MCM8: variants seen among roughly 807,000 people sequenced by gnomAD.
The protein encoded by MCM8 is minichromosome maintenance 8 homologous recombination repair factor, also known as DNA helicase MCM8.
MCM8 carries 85 observed loss-of-function variants against 98.9 expected under a neutral mutation model. The ratio of observed to expected loss-of-function variants is 0.86; its 90% CI spans 0.72 to 1.03. The LOEUF (loss-of-function observed/expected upper bound fraction) is 1.03, where lower values mean the gene tolerates loss of function less well. MCM8 is among the 50% of genes least tolerant of loss of function. MCM8 has a pLI of 0.00. For missense variants in MCM8, 951 were observed against 997.8 expected, an observed-to-expected ratio of 0.95 and a Z score of 0.63; for synonymous variants, 352 against 338.6, an observed-to-expected ratio of 1.04 and a Z score of -0.44.
At chr20:5,951,881 C>A in intron 1 of MCM8, 130 bp from the exon 2 acceptor site, 1 of 1,036,618 alleles carries the variant, frequency 9.6e-7, no homozygotes, top group Non-Finnish European at 1.4e-6. Context: ...CATAGCTGTA[C>A]AACTTTGCAA....
rs1568602982 is a variant in MCM8 at position 5,993,523 on chromosome 20, C to T, written c.2258C>T (p.Ser753Phe). Residue 753 changes from serine (S) to phenylalanine (F), a missense_variant, in exon 18 of 19, where the codon TCT (serine) becomes TTT (phenylalanine). Transcript: ENST00000610722. The part of the protein sequence containing the change: ...IMKYSMLGTY[S>F]DEFGNLDFER... ...TTTTTAAGCATGCTAGGAACTTACT[C>T]TGATGAATTTGGGAACCTAGATTTT... 1 of 1,574,360 alleles carries T rather than the reference C, an allele frequency of 6.4e-7. No homozygotes were observed. Among genetic ancestry groups the T allele is most frequent in the Admixed American group, 1.7e-5 (1 of 57,688 alleles).
chr20:5,967,853 T>C lies in MCM8; in HGVS notation c.1051T>C (p.Cys351Arg). 1 of 1,610,642 alleles carries C rather than the reference T, an allele frequency of 6.2e-7. No homozygotes were observed. Among genetic ancestry groups the C allele is most frequent in the South Asian group, 1.1e-5 (1 of 90,344 alleles). ...EEGSRNKNDK[C>R]MFLLYIEANS... ...AGGTTCTCGAAATAAGAATGACAAG[T>C]GTATGTTCCTTTTGTATATTGAAGC... The change falls in exon 10 of 19, where the codon TGT (cysteine) becomes CGT (arginine). Residue 351 changes from cysteine (C) to arginine (R), a missense_variant. Coordinates refer to ENST00000610722, the MANE Select transcript of MCM8 (RefSeq NM_032485.6).
At chr20:5,960,923 G>T (rs933757769) in intron 7 of MCM8, among the ~76,000 whole-genome samples, 3 of 152,136 alleles carry the variant, frequency 2.0e-5, no homozygotes, top group Non-Finnish European at 4.4e-5. Flanking sequence ...CAGTAAGAGC[G>T]AAACTCCGCC....
At chr20:5,963,223 G>A in intron 7 of MCM8, 51 bp from the exon 8 acceptor site, 1 of 1,360,682 alleles carries the variant, frequency 7.3e-7, no homozygotes, top group Non-Finnish European at 1.1e-6. Context: ...TTCCTGAGGT[G>A]TGATTATAGT....
chr20:5,976,604 T>G (rs1212661502), intron 12 of MCM8, among the ~76,000 whole-genome samples: 2 of 152,210 alleles, frequency 1.3e-5, no homozygotes, highest in African/African-American at 4.8e-5. Context: ...GGGCTTAAAC[T>G]ATCACAAAGA....
rs11472210 is a variant in MCM8 at position 5,994,478 on chromosome 20, GACAC to G, written c.*129_*132del. The G allele has an allele frequency of 0.064, 24,180 of 380,402 alleles. 177 individuals are homozygous for G. Among genetic ancestry groups the G allele is most frequent in the Admixed American group, 0.074 (1,719 of 23,260 alleles). 23.6% of individuals were successfully genotyped at this position (380,402 alleles called of 1,614,324 possible). ...ATATGCGTGCACGCACAGACAGACAGACACACACACACACACACACACACACACA... is the reference window on the plus strand; with the variant it reads ...ATATGCGTGCACGCACAGACAGACAGACACACACACACACACACACACACA... On this transcript the variant is annotated 3_prime_UTR_variant, in exon 19 of 19. Transcript: ENST00000610722.
intron 10 of MCM8, among the ~76,000 whole-genome samples, chr20:5,969,756 C>T (rs1040739045): frequency 6.6e-6 from 1 of 152,094 alleles, no homozygotes; most frequent in African/African-American, 2.4e-5. Context: ...TCCTACTTCC[C>T]TCTGAATAAA....
Position 5,994,529 on chromosome 20 carries a change from A to G in MCM8, c.*138A>G. 1 of 584,822 alleles carries G rather than the reference A, an allele frequency of 1.7e-6. No homozygotes were observed. The highest frequency in any genetic ancestry group is 3.0e-6 in the Non-Finnish European group (1 of 332,184). 36.2% of individuals were successfully genotyped at this position (584,822 alleles called of 1,614,324 possible). A position where few individuals can be genotyped will look rare whatever the true frequency, so the allele number is the denominator to read the frequency against. ...CACACACACACACACACACAGTCAA[A>G]TACTGTTCTCTGAAAAATGATGTCC... On this transcript the variant is annotated 3_prime_UTR_variant, in exon 19 of 19. Transcript: ENST00000610722.
rs151159620 is a variant in MCM8, at chr20:5,989,488, C to T, written c.2240+2130C>T. On this transcript the variant is annotated intron_variant, in intron 17 of 18. Transcript: ENST00000610722. ...CTTTTCTCTGAGTTATACCATAAAC[C>T]AAAGGCCTCAAAAACTGGCAGATCT... Among the ~76,000 whole-genome samples, 9 of 152,198 alleles carry T rather than the reference C, an allele frequency of 5.9e-5. No homozygotes were observed. In the East Asian group the frequency reaches 1.5e-3, roughly 26 times the overall value.
At chr20:5,967,781 A>G in intron 9 of MCM8, 49 bp from the exon 10 acceptor site, 2 of 1,472,194 alleles carry the variant, frequency 1.4e-6, no homozygotes, top group South Asian at 1.3e-5. Context: ...GAGTCATTGT[A>G]GGGAAAATGA....
At chr20:5,991,525 A>C (rs767602459) in intron 17 of MCM8, 7 of 152,180 alleles carry the variant, frequency 4.6e-5, no homozygotes, top group Non-Finnish European at 8.8e-5. Context: ...ACATTACCAG[A>C]TTGTTTCCCT....
At chr20:5,951,909 G>T (rs1450373187) in intron 1 of MCM8, 102 bp from the exon 2 acceptor site, 3 of 1,316,518 alleles carry the variant, frequency 2.3e-6, no homozygotes, top group East Asian at 5.0e-5. Flanking sequence ...TGCTACTCTT[G>T]AACCTAGAAT....
In MCM8 at chr20:5,985,924, G is replaced by T. The variant is rs1050190174; in HGVS notation, c.1956G>T (p.Val652=). Residue 652 remains valine, a splice_region_variant and synonymous_variant, in exon 16 of 19, where the codon GTG becomes GTT. Coordinates refer to ENST00000610722, the MANE Select transcript of MCM8 (RefSeq NM_032485.6). ...TGGGCCTTTTAATCATGCTTCAGGT[G>T]GTTCCTGGAGAAACAATAGATCCCA... ...SEKPLSERLK[V]VPGETIDPIP... is the part of the protein sequence containing the mutation. The T allele has an allele frequency of 2.0e-5, 32 of 1,613,852 alleles. No individual in the cohort carries two copies. In the Admixed American group the frequency reaches 5.3e-4, roughly 27 times the overall value.
intron 5 of MCM8, among the ~76,000 whole-genome samples, chr20:5,955,628 T>C (rs2088958801): frequency 6.6e-6 from 1 of 152,178 alleles, no homozygotes; most frequent in African/African-American, 2.4e-5. Context: ...CAACCTTAGA[T>C]TTAGGTTCTG....
At chr20:5,954,118 A>T (rs888419263) in intron 3 of MCM8, among the ~76,000 whole-genome samples, 1 of 152,012 alleles carries the variant, frequency 6.6e-6, no homozygotes, top group Non-Finnish European at 1.5e-5. Context: ...TGTGAGAGAC[A>T]TATTTGAAAA....
At chr20:5,981,527 C>T (rs538361377) in intron 13 of MCM8, among the ~76,000 whole-genome samples, 4 of 152,064 alleles carry the variant, frequency 2.6e-5, no homozygotes, top group South Asian at 4.2e-4. Context: ...TAAATCATTA[C>T]GTTACCAAAA....
chr20:5,970,555 A>G (rs2089380648), intron 10 of MCM8, among the ~76,000 whole-genome samples: 2 of 152,190 alleles, frequency 1.3e-5, no homozygotes, highest in South Asian at 4.1e-4. Flanking sequence ...TGGCCTGCCC[A>G]TCCTGCCTGC....
At chr20:5,957,004 T>C (rs878978813) in intron 5 of MCM8, 122 bp from the exon 6 acceptor site, 1 of 488,960 alleles carries the variant, frequency 2.0e-6, no homozygotes, top group Non-Finnish European at 3.5e-6. Flanking sequence ...TAAAGGGCTG[T>C]TAAAGTTTTC....
At position 5,951,996 on chromosome 20, in the gene MCM8, A is replaced by G. The variant is rs370974652; in HGVS notation, c.-5-15A>G. ...TACAGTTTTGGTGAAGACCTTTTTA[A>G]TATCTATCTTTTAGGAGAGATGAAT... On this transcript the variant is annotated splice_polypyrimidine_tract_variant and intron_variant, in intron 1 of 18. Coordinates refer to ENST00000610722, the MANE Select transcript of MCM8 (RefSeq NM_032485.6). 31 of 1,596,990 alleles carry G rather than the reference A, an allele frequency of 1.9e-5. No individual in the cohort carries two copies. The African/African-American group carries it at 3.7e-4, about 19-fold the overall frequency.
Sources: gnomAD v4.1 joint callset for allele counts (sites outside exome capture counted in the v4.1 genomes callset) on GRCh38, gnomAD v4.1.1 for gene constraint, MANE v1.5 for transcripts, NCBI Gene and HGNC (gene_info 2026-07-23, HGNC 2026-07-21) for gene names.